The following PARD3B variants were observed in gnomAD, a reference collection of about 807,000 sequenced individuals.
The protein encoded by PARD3B is partitioning defective 3 homolog B.
Under a neutral mutation model 130.2 loss-of-function variants are expected in PARD3B, and 103 were observed. The ratio of observed to expected loss-of-function variants is 0.79; its 90% CI spans 0.67 to 0.93. The LOEUF (loss-of-function observed/expected upper bound fraction) is 0.93. Ranked by LOEUF, PARD3B falls within the 40% of genes least tolerant of loss-of-function variation. The probability of loss-of-function intolerance (pLI) is 0.00; values close to 1 mark genes in which losing one functional copy is unlikely to be tolerated. For synonymous variants in PARD3B, 583 were observed against 553.2 expected, an observed-to-expected ratio of 1.05 and a Z score of -0.76; for missense variants, 1,609 against 1,499.2, an observed-to-expected ratio of 1.07 and a Z score of -1.21.
Position 205,288,971 on chromosome 2 carries a change from C to T in PARD3B, c.2186-11559C>T, listed in dbSNP as rs1485939772. 1.3e-5 allele frequency among the ~76,000 whole-genome samples: 2 copies of T among 152,196 alleles called. No homozygotes were observed. Among genetic ancestry groups the T allele is most frequent in the South Asian group, 2.1e-4 (1 of 4,836 alleles). ...CCTGCTGGCCAGTGATCCCAAAAGT[C>T]CATGACCTTGTCTGATTTGTAATTT... On this transcript the variant is annotated intron_variant, in intron 16 of 22. Coordinates refer to ENST00000406610, the MANE Select transcript of PARD3B (RefSeq NM_001302769.2). The surrounding 1 kb of genome is among the most constrained non-coding windows in gnomAD (Gnocchi z 4.0).
intron 2 of PARD3B, among the ~76,000 whole-genome samples, chr2:204,919,180 C>T (rs986049842): frequency 2.6e-5 from 4 of 152,148 alleles, no homozygotes; most frequent in African/African-American, 9.7e-5. Flanking sequence ...TAATTGCAGA[C>T]ATCCATACAC....
chr2:205,074,811 C>G (rs759162217), intron 4 of PARD3B, among the ~76,000 whole-genome samples: 1 of 152,148 alleles, frequency 6.6e-6, no homozygotes, highest in African/African-American at 2.4e-5. Context: ...TGCCAGCTTT[C>G]CAATTTAATC....
chr2:205,197,964 G>A (rs1269086822), intron 15 of PARD3B, among the ~76,000 whole-genome samples: 1 of 152,202 alleles, frequency 6.6e-6, no homozygotes, highest in East Asian at 1.9e-4. Flanking sequence ...ATGCCAGGAA[G>A]TTACATTCAA....
intron 4 of PARD3B, among the ~76,000 whole-genome samples, chr2:205,060,512 T>A (rs1266947271): frequency 1.3e-5 from 2 of 152,154 alleles, no homozygotes; most frequent in Non-Finnish European, 2.9e-5. Flanking sequence ...CCCTGACTCA[T>A]CCATTGACTC....
chr2:205,615,962 A>C lies in PARD3B; in HGVS notation c.*149A>C. 1 of 681,662 alleles carries C rather than the reference A, an allele frequency of 1.5e-6. No homozygotes were observed. Among genetic ancestry groups the C allele is most frequent in the Non-Finnish European group, 2.4e-6 (1 of 413,746 alleles). The allele number at this position is 681,662 out of a possible 1,614,324, so 42.2% of individuals were successfully genotyped here. Reference sequence around the variant, plus strand: ...CTGACATTGTAACGCATGACTGCTAATCAGAGAGAAAAAGAAGGGGAAGGG... The same window carrying C: ...CTGACATTGTAACGCATGACTGCTACTCAGAGAGAAAAAGAAGGGGAAGGG... On this transcript the variant is annotated 3_prime_UTR_variant, in exon 23 of 23. Transcript: ENST00000406610.
chr2:205,010,949 A>T (rs1396078938), intron 3 of PARD3B, among the ~76,000 whole-genome samples: 1 of 152,082 alleles, frequency 6.6e-6, no homozygotes, highest in East Asian at 1.9e-4. Context: ...TTTTATTTTA[A>T]AGGGTTTCCT....
At chr2:204,948,447 T>A (rs1297095625) in intron 2 of PARD3B, among the ~76,000 whole-genome samples, 1 of 152,238 alleles carries the variant, frequency 6.6e-6, no homozygotes, top group East Asian at 1.9e-4. Flanking sequence ...CAGTTGAGAA[T>A]AATTTGCATG....
chr2:205,172,832 TAAAC>T (rs1303905952), intron 12 of PARD3B, among the ~76,000 whole-genome samples: 1 of 152,242 alleles, frequency 6.6e-6, no homozygotes, highest in Non-Finnish European at 1.5e-5. Context: ...TTTGATTTAT[TAAAC>T]AAGCTGCTTG....
chr2:204,632,294 A>G (rs570177489), intron 1 of PARD3B, among the ~76,000 whole-genome samples: 2 of 152,240 alleles, frequency 1.3e-5, no homozygotes, highest in East Asian at 1.9e-4. Context: ...TTGTCAGTCA[A>G]TTAAACCTCT....
chr2:205,342,086 C>T (rs1245006723), intron 18 of PARD3B, among the ~76,000 whole-genome samples: 1 of 152,016 alleles, frequency 6.6e-6, no homozygotes, highest in Non-Finnish European at 1.5e-5. Context: ...GTATCCTCAG[C>T]CTCTAGCACA....
chr2:205,310,912 C>T (rs936521907), intron 18 of PARD3B, among the ~76,000 whole-genome samples: 12 of 151,682 alleles, frequency 7.9e-5, no homozygotes, highest in African/African-American at 7.3e-5. Flanking sequence ...TTAGTAGAGA[C>T]GGAGTTTCAC....
At chr2:205,022,084 A>C (rs1279045960) in intron 3 of PARD3B, among the ~76,000 whole-genome samples, 1 of 152,216 alleles carries the variant, frequency 6.6e-6, no homozygotes, top group Admixed American at 6.5e-5. Context: ...TAGATTTAAC[A>C]ATACAAATAG....
chr2:205,403,760 G>T (rs2046329379), intron 19 of PARD3B, among the ~76,000 whole-genome samples: 1 of 152,174 alleles, frequency 6.6e-6, no homozygotes, highest in African/African-American at 2.4e-5. Flanking sequence ...TGACTTGGAG[G>T]AGCAGAATTT....
At chr2:205,238,862 A>ATATATATATGTATGTGTG (rs1448375300) in intron 15 of PARD3B, among the ~76,000 whole-genome samples, 5 of 98,766 alleles carry the variant, frequency 5.1e-5, no homozygotes, top group African/African-American at 2.1e-4. Context: ...ATATATATAT[A>ATATATATATGTATGTGTG]TATATATATA....
At chr2:205,031,172 A>G (rs1201889258) in intron 3 of PARD3B, among the ~76,000 whole-genome samples, 1 of 152,184 alleles carries the variant, frequency 6.6e-6, no homozygotes. Flanking sequence ...AGGTTCAGCA[A>G]TGTCACTGGC....
intron 4 of PARD3B, among the ~76,000 whole-genome samples, chr2:205,084,254 A>C (rs1029815759): frequency 6.6e-6 from 1 of 152,260 alleles, no homozygotes; most frequent in Admixed American, 6.5e-5. Context: ...ATTTTTATAT[A>C]TAGAAAACAA....
chr2:204,842,871 A>G (rs1425289987), intron 2 of PARD3B, among the ~76,000 whole-genome samples: 1 of 152,162 alleles, frequency 6.6e-6, no homozygotes. Flanking sequence ...AATTTCTCGA[A>G]GGGAAGCTGA....
intron 2 of PARD3B, among the ~76,000 whole-genome samples, chr2:204,793,141 G>T (rs2042254541): frequency 6.6e-6 from 1 of 152,132 alleles, no homozygotes; most frequent in African/African-American, 2.4e-5. Flanking sequence ...ATTTGTATTT[G>T]CAAAATATAT....
At chr2:204,929,911 G>A (rs1256007189) in intron 2 of PARD3B, among the ~76,000 whole-genome samples, 1 of 151,962 alleles carries the variant, frequency 6.6e-6, no homozygotes, top group Non-Finnish European at 1.5e-5. Context: ...TAATTTAGTT[G>A]ATAATATTGA....
Sources: gnomAD v4.1 joint callset for allele counts (sites outside exome capture counted in the v4.1 genomes callset) on GRCh38, gnomAD v4.1.1 for gene constraint, Gnocchi (gnomAD v3.1) non-coding constraint, MANE v1.5 for transcripts, NCBI Gene and HGNC (gene_info 2026-07-23, HGNC 2026-07-21) for gene names.